The following PCDHGB5 variants were observed in gnomAD, a reference collection of about 807,000 sequenced individuals.
PCDHGB5 encodes the protein protocadherin gamma-B5.
Under a neutral mutation model 62.9 loss-of-function variants are expected in PCDHGB5, and 48 were observed. That is an observed-to-expected ratio of 0.76 (90% CI 0.61 to 0.97). The LOEUF is 0.97. Among genes scored for constraint, PCDHGB5 ranks in the 50% least tolerant of loss-of-function variants. PCDHGB5 has a pLI of 0.00. For missense variants in PCDHGB5, 1,118 were observed against 1,198.6 expected (o/e 0.93, Z 0.99); for synonymous variants, 474 against 511.2 (o/e 0.93, Z 0.98).
intron 2 of PCDHGB5, among the ~76,000 whole-genome samples, chr5:141,501,136 G>A (rs909142955): frequency 6.6e-6 from 1 of 152,090 alleles, no homozygotes; most frequent in Non-Finnish European, 1.5e-5. Context: ...CTAAGTGCTG[G>A]GATTACAGGT....
Position 141,418,176 on chromosome 5 carries a change from T to G in PCDHGB5, c.2397+17652T>G, listed in dbSNP as rs1197334192. 1 of 1,614,078 alleles carries G rather than the reference T, an allele frequency of 6.2e-7. No individual in the cohort carries two copies. Among genetic ancestry groups the G allele is most frequent in the Non-Finnish European group, 8.5e-7 (1 of 1,179,908 alleles). On this transcript the variant is annotated intron_variant, in intron 1 of 3. Coordinates refer to ENST00000617380, the MANE Select transcript of PCDHGB5 (RefSeq NM_018925.3). ...GAGAGAAGAAGATGTGAGTTGCAAT[T>G]GGAAGCTGTGGTGGAAAATCCTTTA...
Position 141,434,451 on chromosome 5 carries a change from A to T in PCDHGB5, c.2397+33927A>T, listed in dbSNP as rs145324240. 3.9e-3 allele frequency among the ~76,000 whole-genome samples: 589 copies of T among 152,326 alleles called. 6 individuals carry two copies. The highest frequency in any genetic ancestry group is 0.011 in the Admixed American group (170 of 15,298). ...GGCCGTAATGCCCATGCTGGAAGGTAGTGGGTTTACCGGAATGAGGGCAAG... is the reference window on the plus strand; with the variant it reads ...GGCCGTAATGCCCATGCTGGAAGGTTGTGGGTTTACCGGAATGAGGGCAAG... On this transcript the variant is annotated intron_variant, in intron 1 of 3. Transcript: ENST00000617380.
intron 1 of PCDHGB5, among the ~76,000 whole-genome samples, chr5:141,473,195 C>G (rs1053769499): frequency 6.6e-6 from 1 of 152,104 alleles, no homozygotes; most frequent in Non-Finnish European, 1.5e-5. Flanking sequence ...GTAAATGTAT[C>G]TTCTAAAAAA....
intron 1 of PCDHGB5, chr5:141,468,682 C>A (rs377685711): frequency 4.6e-5 from 7 of 151,296 alleles, no homozygotes; most frequent in African/African-American, 1.7e-4. Context: ...CTGGCTAACA[C>A]GGTGAAACCC....
At chr5:141,402,912 G>T (rs373067478) in intron 1 of PCDHGB5, 319 of 1,553,994 alleles carry the variant, frequency 2.1e-4, no homozygotes, top group East Asian at 2.5e-4. Flanking sequence ...GAAGCAGCGC[G>T]CACAGAGATC....
At chr5:141,444,752 T>C (rs1376810825) in intron 1 of PCDHGB5, among the ~76,000 whole-genome samples, 2 of 152,228 alleles carry the variant, frequency 1.3e-5, no homozygotes, top group Non-Finnish European at 2.9e-5. Context: ...CTGATATATG[T>C]AGTTCTATTT....
At chr5:141,403,196 G>A (rs762413220) in intron 1 of PCDHGB5, 6 of 1,613,986 alleles carry the variant, frequency 3.7e-6, no homozygotes, top group East Asian at 4.5e-5. Flanking sequence ...CCCGCGCAGC[G>A]GCACCTTGGT....
chr5:141,438,635 TACACACACACACACAC>T (rs56854727), intron 1 of PCDHGB5, among the ~76,000 whole-genome samples: 7 of 33,414 alleles, frequency 2.1e-4, no homozygotes, highest in Non-Finnish European at 3.7e-4. Flanking sequence ...TATATATATA[TACACACACACACACAC>T]ATATATGTAT....
chr5:141,480,250 A>T (rs2099515553), intron 1 of PCDHGB5, among the ~76,000 whole-genome samples: 2 of 151,988 alleles, frequency 1.3e-5, no homozygotes, highest in African/African-American at 4.8e-5. Context: ...CAAAAAAAAA[A>T]AAAAATGTGT....
rs764363553 is a variant in PCDHGB5 at position 141,432,120 on chromosome 5, A to C, written c.2397+31596A>C. The C allele has an allele frequency of 1.2e-6, 2 of 1,613,978 alleles. No homozygotes were observed. Among genetic ancestry groups the C allele is most frequent in the African/African-American group, 2.7e-5 (2 of 74,894 alleles). ...AACGACAACCCGCCGGTCTTCCCTC[A>C]GGCCTCCTATTCCGCTTATATCCCA... On this transcript the variant is annotated intron_variant, in intron 1 of 3. Transcript: ENST00000617380. The surrounding 1 kb of genome is among the most constrained non-coding windows in gnomAD (Gnocchi z 6.0).
chr5:141,439,012 A>G (rs968054607), intron 1 of PCDHGB5, among the ~76,000 whole-genome samples: 4 of 151,916 alleles, frequency 2.6e-5, no homozygotes, highest in South Asian at 2.1e-4. Context: ...TTTGTTTGTC[A>G]AATTTTGAAA....
At chr5:141,423,833 T>A in intron 1 of PCDHGB5, 1 of 1,262,398 alleles carries the variant, frequency 7.9e-7, no homozygotes, top group Non-Finnish European at 1.0e-6. Context: ...TTCATGAGAT[T>A]ACGATAATCT....
At chr5:141,457,677 T>C (rs1386991642) in intron 1 of PCDHGB5, among the ~76,000 whole-genome samples, 1 of 152,262 alleles carries the variant, frequency 6.6e-6, no homozygotes, top group Non-Finnish European at 1.5e-5. Flanking sequence ...TATTTCTACA[T>C]AGGACTTTTG....
Position 141,477,964 on chromosome 5 carries a change from G to T in PCDHGB5, c.2398-16843G>T, listed in dbSNP as rs2099426491. On this transcript the variant is annotated intron_variant, in intron 1 of 3. Coordinates refer to ENST00000617380, the MANE Select transcript of PCDHGB5 (RefSeq NM_018925.3). The surrounding 1 kb of genome is among the most constrained non-coding windows in gnomAD (Gnocchi z 4.9). Reference sequence around the variant, plus strand: ...ACAGTCTCTTGGGATCCCCTAACCAGAGCCTTTTTGCCATAGGGCTGCACA... The same window carrying T: ...ACAGTCTCTTGGGATCCCCTAACCATAGCCTTTTTGCCATAGGGCTGCACA... 6.2e-7 allele frequency: 1 copy of T among 1,613,978 alleles called. No homozygotes were observed. The highest frequency in any genetic ancestry group is 1.1e-5 in the South Asian group (1 of 91,080).
At chr5:141,420,521 C>A in intron 1 of PCDHGB5, 1 of 378,418 alleles carries the variant, frequency 2.6e-6, no homozygotes, top group Non-Finnish European at 4.4e-6. Context: ...AGTAAAATAC[C>A]TTTCGGTTAA....
At chr5:141,433,848 A>AAC (rs1403081382) in intron 1 of PCDHGB5, among the ~76,000 whole-genome samples, 1 of 151,964 alleles carries the variant, frequency 6.6e-6, no homozygotes, top group South Asian at 2.1e-4. Context: ...AAAAAAAAAA[A>AAC]AAAAAAACTT....
At chr5:141,447,829 T>A (rs2098552664) in intron 1 of PCDHGB5, among the ~76,000 whole-genome samples, 1 of 152,214 alleles carries the variant, frequency 6.6e-6, no homozygotes. Context: ...CTCACGCCTG[T>A]AATCCCAGTG....
At chr5:141,467,110 T>C (rs2099137137) in intron 1 of PCDHGB5, among the ~76,000 whole-genome samples, 1 of 151,604 alleles carries the variant, frequency 6.6e-6, no homozygotes, top group Non-Finnish European at 1.5e-5. Context: ...TGGAGTACAA[T>C]GGTGCAATCT....
chr5:141,463,438 CTTTTTTTTTTTT>C (rs71576115), intron 1 of PCDHGB5, among the ~76,000 whole-genome samples: 6 of 103,254 alleles, frequency 5.8e-5, no homozygotes, highest in Admixed American at 3.1e-4. Flanking sequence ...TTTCCTTCTC[CTTTTTTTTTTTT>C]TTTTTTTTTT....
Sources: gnomAD v4.1 joint callset for allele counts (sites outside exome capture counted in the v4.1 genomes callset) on GRCh38, gnomAD v4.1.1 for gene constraint, Gnocchi (gnomAD v3.1) non-coding constraint, MANE v1.5 for transcripts, NCBI Gene and HGNC (gene_info 2026-07-23, HGNC 2026-07-21) for gene names.